Variants in NUP160 observed in about 807,000 individuals in gnomAD.
NUP160 encodes the protein nucleoporin 160.
A neutral mutation model predicts 196.9 loss-of-function variants in NUP160; 94 were observed. That is an observed-to-expected ratio of 0.48 (90% CI 0.40 to 0.57). NUP160 has a LOEUF of 0.57. NUP160 is among the 20% of genes least tolerant of loss of function. NUP160 has a pLI of 0.00. For synonymous variants in NUP160, 605 were observed against 619.7 expected, an observed-to-expected ratio of 0.98 and a Z score of 0.35; for missense variants, 1,638 against 1,748.3, an observed-to-expected ratio of 0.94 and a Z score of 1.13.
At chr11:47,815,856 G>C (rs6485786) in intron 12 of NUP160, 90 bp downstream of exon 12, 465,037 of 1,093,468 alleles carry the variant, frequency 0.43, 103,957 homozygotes, top group South Asian at 0.53. Flanking sequence ...ACAAGGTCAA[G>C]TGAAGAATTC....
intron 17 of NUP160, among the ~76,000 whole-genome samples, chr11:47,810,870 A>G (rs780053393): frequency 9.2e-5 from 14 of 152,146 alleles, no homozygotes; most frequent in Non-Finnish European, 1.3e-4. Flanking sequence ...CTGACTTAAA[A>G]TGTATAAGTA....
chr11:47,802,248 C>T (rs1012862146), intron 22 of NUP160, among the ~76,000 whole-genome samples: 2 of 151,874 alleles, frequency 1.3e-5, no homozygotes, highest in Non-Finnish European at 1.5e-5. Flanking sequence ...CTGACCAACA[C>T]GGTGAAACTC....
chr11:47,834,325 T>C (rs1852132890), intron 7 of NUP160, among the ~76,000 whole-genome samples: 1 of 152,018 alleles, frequency 6.6e-6, no homozygotes, highest in Non-Finnish European at 1.5e-5. Flanking sequence ...ACTAAGGAAG[T>C]TAGAGCAGGG....
intron 7 of NUP160, among the ~76,000 whole-genome samples, chr11:47,827,600 T>C (rs1031726981): frequency 6.8e-6 from 1 of 147,688 alleles, no homozygotes; most frequent in African/African-American, 2.5e-5. Context: ...TCCCGGCAAC[T>C]CTACTCAGAA....
At chr11:47,811,199 G>GT (rs1339283027) in intron 17 of NUP160, among the ~76,000 whole-genome samples, 1 of 152,106 alleles carries the variant, frequency 6.6e-6, no homozygotes, top group African/African-American at 2.4e-5. Flanking sequence ...TGTGTTTAGG[G>GT]TAAGCCTTGC....
At chr11:47,835,876 A>G in intron 6 of NUP160, 67 bp from the exon 7 acceptor site, 2 of 1,253,214 alleles carry the variant, frequency 1.6e-6, no homozygotes, top group South Asian at 3.2e-5. Context: ...ATACCTTTTG[A>G]AAGGATGGAC....
Position 47,848,410 on chromosome 11 carries a change from A to G in NUP160, c.11T>C (p.Leu4Pro), listed in dbSNP as rs773807670. The G allele has an allele frequency of 1.9e-6, 3 of 1,577,552 alleles. No homozygotes were observed. The South Asian group carries it at 3.4e-5, about 18-fold the overall frequency. The change falls in exon 1 of 36, where the codon CTG becomes CCG. Residue 4 changes from leucine (L) to proline (P), a missense_variant. Physicochemically the swap from Leu to Pro is moderately conservative, Grantham distance 98. Coordinates refer to ENST00000378460, the Ensembl canonical transcript of NUP160. Reference sequence around the variant, plus strand: ...GGGTGGGGCGGGCGGAGCTGCGGACAGGTGAAGCATTCCGGGAGCAGAAAG... The same window carrying G: ...GGGTGGGGCGGGCGGAGCTGCGGACGGGTGAAGCATTCCGGGAGCAGAAAG...
intron 2 of NUP160, among the ~76,000 whole-genome samples, chr11:47,843,268 G>T (rs1464061365): frequency 6.6e-6 from 1 of 152,084 alleles, no homozygotes; most frequent in Non-Finnish European, 1.5e-5. Flanking sequence ...ACTCCACTGA[G>T]GCTTTTGTAC....
intron 23 of NUP160, among the ~76,000 whole-genome samples, chr11:47,799,827 T>G (rs1167403317): frequency 6.6e-6 from 1 of 152,178 alleles, no homozygotes; most frequent in African/African-American, 2.4e-5. Context: ...ATTACAGGCG[T>G]GAGCCACTGC....
At chr11:47,836,914 A>T (rs1017259773) in exon 6 of NUP160, 2 of 1,611,770 alleles carry the variant, frequency 1.2e-6, no homozygotes, top group Non-Finnish European at 1.7e-6. Context: ...GTAGTTTATG[A>T]TCCTGACACA....
chr11:47,837,582 G>C (rs1260461091), exon 5 of NUP160: 4 of 1,614,094 alleles, frequency 2.5e-6, no homozygotes, highest in Non-Finnish European at 3.4e-6. Context: ...AGCAATCGTT[G>C]CATTACTGAA....
At chr11:47,813,485 G>T in intron 13 of NUP160, 70 bp from the exon 14 acceptor site, 1 of 994,530 alleles carries the variant, frequency 1.0e-6, no homozygotes, top group Non-Finnish European at 1.6e-6. Flanking sequence ...ATTGAGATGT[G>T]CATCTTATCA....
chr11:47,812,343 T>A, exon 16 of NUP160: 1 of 1,614,154 alleles, frequency 6.2e-7, no homozygotes, highest in South Asian at 1.1e-5. Context: ...TGTTTCATAA[T>A]CCATTTCCCG....
chr11:47,839,630 T>G (rs964383500), intron 4 of NUP160: 1 of 570,328 alleles, frequency 1.8e-6, no homozygotes, highest in African/African-American at 1.9e-5. Flanking sequence ...TGTCTTATAC[T>G]TGTCTATTTG....
chr11:47,826,122 C>G (rs184241450), intron 7 of NUP160, among the ~76,000 whole-genome samples: 27 of 152,110 alleles, frequency 1.8e-4, no homozygotes, highest in African/African-American at 5.8e-4. Flanking sequence ...ATCAATTTAG[C>G]AGGTCTCAAA....
intron 2 of NUP160, 21 bp downstream of exon 2, chr11:47,847,827 T>A: frequency 6.4e-7 from 1 of 1,567,286 alleles, no homozygotes; most frequent in Non-Finnish European, 8.8e-7. Flanking sequence ...CCAGGGGAGT[T>A]TGGCGAACCA....
chr11:47,827,123 T>A, intron 7 of NUP160: 1 of 456,124 alleles, frequency 2.2e-6, no homozygotes, highest in South Asian at 1.5e-5. Flanking sequence ...TCCCAGCACA[T>A]TGGGAAGCCG....
At chr11:47,834,818 G>C (rs975005578) in intron 7 of NUP160, among the ~76,000 whole-genome samples, 1 of 152,168 alleles carries the variant, frequency 6.6e-6, no homozygotes, top group Non-Finnish European at 1.5e-5. Flanking sequence ...CCTGACTTCG[G>C]GGGGAGGAGC....
chr11:47,837,773 T>C, intron 4 of NUP160, 150 bp from the exon 5 acceptor site: 1 of 585,182 alleles, frequency 1.7e-6, no homozygotes, highest in East Asian at 2.8e-5. Flanking sequence ...CCTGCATATA[T>C]CACACCTAAA....
Sources: allele counts gnomAD v4.1 joint callset (sites outside exome capture counted in the v4.1 genomes callset), GRCh38; gene constraint gnomAD v4.1.1; transcripts MANE v1.5; gene names NCBI Gene and HGNC (gene_info 2026-07-23, HGNC 2026-07-21).